The following ERG28 variants were observed in gnomAD, a reference collection of about 807,000 sequenced individuals.
ERG28 encodes ergosterol biosynthetic protein 28 homolog.
A neutral mutation model predicts 15.7 loss-of-function variants in ERG28; 9 were observed. That is an observed-to-expected ratio of 0.57 (90% CI 0.35 to 1.00). ERG28 has a LOEUF of 1.00. ERG28 is among the 50% of genes least tolerant of loss of function. The probability of loss-of-function intolerance (pLI) is 0.02; values close to 1 mark genes in which losing one functional copy is unlikely to be tolerated. For synonymous variants in ERG28, 61 were observed against 68.4 expected (o/e 0.89, Z 0.53); for missense variants, 117 against 173.3 (o/e 0.68, Z 1.82).
rs1890516043 is a variant in ERG28 at position 75,650,923 on chromosome 14, A to G, written c.*632T>C. ...GCAGAGGGTTTTTCTATTTATTACA[A>G]AAGTTGTTACACAAATACAGCTGAC... is the stretch of plus-strand genomic sequence containing the variant. On this transcript the variant is annotated 3_prime_UTR_variant, in exon 5 of 5. Coordinates refer to ENST00000256319, the MANE Select transcript of ERG28 (RefSeq NM_007176.4). 1 of 152,620 alleles carries G rather than the reference A, an allele frequency of 6.6e-6. No individual in the cohort carries two copies. The highest frequency in any genetic ancestry group is 1.5e-5 in the Non-Finnish European group (1 of 68,330). 9.5% of individuals were successfully genotyped at this position (152,620 alleles called of 1,614,324 possible). A position where few individuals can be genotyped will look rare whatever the true frequency, so the allele number is the denominator to read the frequency against.
Position 75,651,609 on chromosome 14 carries a change from G to C in ERG28, c.369C>G (p.Val123=), listed in dbSNP as rs781227300. Residue 123 remains valine, a synonymous_variant, in exon 5 of 5, where the codon GTC becomes GTG. Transcript: ENST00000256319. ...GTTCTACTTCTAGATACCGGAGCCC[G>C]ACCAGCATACCCAGGATGGAGAAAC... ...VASFSILGML[V]GLRYLEVEPV... is the part of the protein sequence containing the mutation. 15 of 1,613,480 alleles carry C rather than the reference G, an allele frequency of 9.3e-6. No homozygotes were observed. The African/African-American group carries it at 1.9e-4, about 20-fold the overall frequency.
chr14:75,653,913 G>A (rs1594822709), intron 3 of ERG28, among the ~76,000 whole-genome samples: 2 of 150,544 alleles, frequency 1.3e-5, no homozygotes, highest in African/African-American at 4.9e-5. Context: ...TGTCATTCTA[G>A]GACAAGTAAA....
Position 75,650,600 on chromosome 14 carries a change from G to A in ERG28, c.*955C>T, listed in dbSNP as rs530671886. 6.6e-6 allele frequency: 1 copy of A among 152,236 alleles called. No homozygotes were observed. Among genetic ancestry groups the A allele is most frequent in the East Asian group, 1.9e-4 (1 of 5,182 alleles). 9.4% of individuals were successfully genotyped at this position (152,236 alleles called of 1,614,324 possible). On this transcript the variant is annotated 3_prime_UTR_variant, in exon 5 of 5. Transcript: ENST00000256319. ...CTATGCTGCCTAGTTCTATTTTTTT[G>A]TCTCTGCTCTCTCAAGAATCTGTTT...
At chr14:75,659,671 C>T (rs542545772) in intron 1 of ERG28, among the ~76,000 whole-genome samples, 3 of 151,000 alleles carry the variant, frequency 2.0e-5, no homozygotes, top group Non-Finnish European at 1.5e-5. Flanking sequence ...AATGGAATGA[C>T]TTTTTCCCAT....
At chr14:75,653,377 G>T (rs929034288) in intron 3 of ERG28, among the ~76,000 whole-genome samples, 5 of 151,748 alleles carry the variant, frequency 3.3e-5, no homozygotes, top group African/African-American at 1.2e-4. Flanking sequence ...GCCAAGGTGG[G>T]TGGATCACGA....
Position 75,657,485 on chromosome 14 carries a change from A to G in ERG28, c.18T>C (p.Asn6=). ...CCATAACCAGCCAACTTCTTAACAC[A>G]TTCAGGAAACGGCTCATGACTCCCC... MSRFL[N]VLRSWLVMVS... The change falls in exon 2 of 5, where the codon AAT becomes AAC. Residue 6 remains asparagine, a synonymous_variant. Coordinates refer to ENST00000256319, the MANE Select transcript of ERG28 (RefSeq NM_007176.4). 2 of 1,614,064 alleles carry G rather than the reference A, an allele frequency of 1.2e-6. No homozygotes were observed. Among genetic ancestry groups the G allele is most frequent in the Non-Finnish European group, 1.7e-6 (2 of 1,179,932 alleles).
chr14:75,655,410 G>C (rs759113605), intron 2 of ERG28, among the ~76,000 whole-genome samples: 2 of 152,200 alleles, frequency 1.3e-5, no homozygotes, highest in African/African-American at 2.4e-5. Flanking sequence ...AGATACTGGG[G>C]ACCAATTTAG....
Position 75,651,624 on chromosome 14 carries a change from G to A in ERG28, c.354C>T (p.Ile118=). 1.9e-6 allele frequency: 3 copies of A among 1,613,590 alleles called. No individual in the cohort carries two copies. The highest frequency in any genetic ancestry group is 1.1e-5 in the South Asian group (1 of 91,074). Residue 118 remains isoleucine, a synonymous_variant, in exon 5 of 5, where the codon ATC becomes ATT. Transcript: ENST00000256319. The part of the protein sequence containing the change: ...LAPLMVASFS[I]LGMLVGLRYL... ...ACCGGAGCCCGACCAGCATACCCAG[G>A]ATGGAGAAACCTTAAATACAGAGGA...
intron 2 of ERG28, 46 bp from the exon 3 acceptor site, chr14:75,655,022 G>A: frequency 6.4e-7 from 1 of 1,555,892 alleles, no homozygotes; most frequent in Non-Finnish European, 8.9e-7. Flanking sequence ...GGAGACTTGA[G>A]GTTCCTTCCA....
intron 3 of ERG28, among the ~76,000 whole-genome samples, chr14:75,653,826 A>G (rs576914295): frequency 6.6e-6 from 1 of 152,274 alleles, no homozygotes; most frequent in Admixed American, 6.5e-5. Flanking sequence ...AGGAAGGTGA[A>G]TAATGGACTT....
At chr14:75,656,311 C>CACACACAT (rs1890597309) in intron 2 of ERG28, among the ~76,000 whole-genome samples, 1 of 148,724 alleles carries the variant, frequency 6.7e-6, no homozygotes, top group Admixed American at 6.6e-5. Context: ...CACACACACA[C>CACACACAT]ACACACACAC....
In ERG28 at chr14:75,659,277, A is replaced by G. The variant is rs140459598; in HGVS notation, c.-32+1498T>C. The stretch of plus-strand genomic sequence containing the variant: ...AAGTTCCCATTTTTTGAGAAAGAAA[A>G]GCATACCATATCCACTTTTGTCTTC... On this transcript the variant is annotated intron_variant, in intron 1 of 4. Coordinates refer to ENST00000256319, the MANE Select transcript of ERG28 (RefSeq NM_007176.4). 1.7e-3 allele frequency among the ~76,000 whole-genome samples: 256 copies of G among 152,364 alleles called. 2 individuals carry two copies. Among genetic ancestry groups the G allele is most frequent in the South Asian group, 0.016 (76 of 4,830 alleles).
chr14:75,658,208 T>A (rs1036693838), intron 1 of ERG28, among the ~76,000 whole-genome samples: 2 of 152,114 alleles, frequency 1.3e-5, no homozygotes, highest in African/African-American at 2.4e-5. Flanking sequence ...AGCATTAAAG[T>A]TAAAATAGAG....
Position 75,651,781 on chromosome 14 carries a change from C to G in ERG28, c.333G>C (p.Leu111=), listed in dbSNP as rs756005651. 4 of 1,612,646 alleles carry G rather than the reference C, an allele frequency of 2.5e-6. No individual in the cohort carries two copies. The South Asian group carries it at 4.4e-5, about 18-fold the overall frequency. Residue 111 remains leucine, a synonymous_variant, in exon 4 of 5, where the codon CTG becomes CTC. Transcript: ENST00000256319. ...TGGTTGGATGCTTACTTGCCACCATCAGGGGTGCCAGGACGCCAATCGTGG... is the reference window on the plus strand; with the variant it reads ...TGGTTGGATGCTTACTTGCCACCATGAGGGGTGCCAGGACGCCAATCGTGG... The part of the protein sequence containing the change: ...AAPTIGVLAP[L]MVASFSILGM...
intron 2 of ERG28, among the ~76,000 whole-genome samples, chr14:75,656,279 A>AACACACACACACAC (rs34053718): frequency 1.7e-4 from 23 of 135,890 alleles, no homozygotes; most frequent in Non-Finnish European, 2.7e-4. Context: ...GTGCTGGCTG[A>AACACACACACACAC]ACACACACAC....
At position 75,650,929 on chromosome 14, in the gene ERG28, G is replaced by A. The variant is rs1185287541; in HGVS notation, c.*626C>T. The A allele has an allele frequency of 6.6e-6, 1 of 152,590 alleles. No individual in the cohort carries two copies. Among genetic ancestry groups the A allele is most frequent in the Non-Finnish European group, 1.5e-5 (1 of 68,314 alleles). 9.5% of individuals were successfully genotyped at this position (152,590 alleles called of 1,614,324 possible). A position where few individuals can be genotyped will look rare whatever the true frequency, so the allele number is the denominator to read the frequency against. On this transcript the variant is annotated 3_prime_UTR_variant, in exon 5 of 5. Coordinates refer to ENST00000256319, the MANE Select transcript of ERG28 (RefSeq NM_007176.4). ...GGTTTTTCTATTTATTACAAAAGTT[G>A]TTACACAAATACAGCTGACCAGAAG... is the stretch of plus-strand genomic sequence containing the variant.
chr14:75,653,981 C>T (rs531939519), intron 3 of ERG28, among the ~76,000 whole-genome samples: 36 of 151,718 alleles, frequency 2.4e-4, no homozygotes, highest in African/African-American at 6.0e-4. Flanking sequence ...AGAGATCAAA[C>T]GGCTAATAGC....
chr14:75,654,300 T>C, intron 3 of ERG28, among the ~76,000 whole-genome samples: 1 of 152,210 alleles, frequency 6.6e-6, no homozygotes. Flanking sequence ...TGACTCCCGC[T>C]GGGAAGAAAG....
intron 1 of ERG28, among the ~76,000 whole-genome samples, chr14:75,658,917 G>A (rs1194393884): frequency 6.6e-6 from 1 of 152,098 alleles, no homozygotes; most frequent in Non-Finnish European, 1.5e-5. Flanking sequence ...TATAAATTGT[G>A]TGTGTTTAAG....
Sources: allele counts gnomAD v4.1 joint callset (sites outside exome capture counted in the v4.1 genomes callset), GRCh38; gene constraint gnomAD v4.1.1; transcripts MANE v1.5; gene names NCBI Gene and HGNC (gene_info 2026-07-23, HGNC 2026-07-21).